The following TMEM41B variants were observed in gnomAD, a reference collection of about 807,000 sequenced individuals.
TMEM41B encodes protein stasimon.
Under a neutral mutation model 31.9 loss-of-function variants are expected in TMEM41B, and 18 were observed. The ratio of observed to expected loss-of-function variants is 0.56; its 90% CI spans 0.39 to 0.84. TMEM41B has a LOEUF of 0.84. Ranked by LOEUF, TMEM41B falls within the 40% of genes least tolerant of loss-of-function variation. The pLI, the probability that TMEM41B is intolerant of heterozygous loss-of-function variation, is 0.00. For missense variants in TMEM41B, 322 were observed against 348.0 expected, an observed-to-expected ratio of 0.93 and a Z score of 0.59; for synonymous variants, 144 against 124.3, an observed-to-expected ratio of 1.16 and a Z score of -1.05.
chr11:9,298,315 C>T (rs1252525116), intron 2 of TMEM41B, among the ~76,000 whole-genome samples: 5 of 150,938 alleles, frequency 3.3e-5, no homozygotes, highest in Non-Finnish European at 7.4e-5. Flanking sequence ...AAAAATTAGC[C>T]GGGTGTGGTG....
intron 1 of TMEM41B, chr11:9,311,215 G>T: frequency 1.4e-6 from 2 of 1,453,500 alleles, no homozygotes; most frequent in Non-Finnish European, 1.9e-6. Context: ...ATACAACATG[G>T]CATCTGAAGC....
chr11:9,294,160 G>T (rs982586162), intron 3 of TMEM41B, among the ~76,000 whole-genome samples: 2 of 127,246 alleles, frequency 1.6e-5, no homozygotes, highest in Non-Finnish European at 3.1e-5. Flanking sequence ...CAGCCTGGGT[G>T]ACAGGGGGAG....
At chr11:9,304,566 GGGA>G (rs1329075098) in intron 1 of TMEM41B, among the ~76,000 whole-genome samples, 1 of 151,920 alleles carries the variant, frequency 6.6e-6, no homozygotes, top group Non-Finnish European at 1.5e-5. Flanking sequence ...TTCAACTCCT[GGGA>G]GTTGAATGCC....
rs567096594 is a variant in TMEM41B at position 9,299,537 on chromosome 11, T to C, written c.239+47A>G. 4 of 1,316,740 alleles carry C rather than the reference T, an allele frequency of 3.0e-6. No homozygotes were observed. In the African/African-American group the frequency reaches 5.9e-5, roughly 19 times the overall value. The allele number at this position is 1,316,740 out of a possible 1,614,324, so 81.6% of individuals were successfully genotyped here. The stretch of plus-strand genomic sequence containing the variant: ...TGCACTTGGCCTTAATCCACTTTCA[T>C]CTTATAAATATCTATACATTTTCAG... On this transcript the variant is annotated intron_variant, in intron 2 of 6. Coordinates refer to ENST00000528080, the MANE Select transcript of TMEM41B (RefSeq NM_015012.4).
Position 9,314,571 on chromosome 11 carries a change from G to T in TMEM41B, c.-130C>A, listed in dbSNP as rs967820573. The stretch of plus-strand genomic sequence containing the variant: ...CCGGCGCGACCTCCTCACCCGAGAC[G>T]ACCTCAGCCCAGCGAGTACTGCAAC... On this transcript the variant is annotated 5_prime_UTR_variant, in exon 1 of 7. Transcript: ENST00000528080. 7.5e-7 allele frequency: 1 copy of T among 1,327,552 alleles called. No individual in the cohort carries two copies. The highest frequency in any genetic ancestry group is 2.7e-5 in the Admixed American group (1 of 37,260). The allele number at this position is 1,327,552 out of a possible 1,614,324, so 82.2% of individuals were successfully genotyped here.
At chr11:9,306,512 C>T (rs1490244275) in intron 1 of TMEM41B, among the ~76,000 whole-genome samples, 1 of 151,882 alleles carries the variant, frequency 6.6e-6, no homozygotes, top group Non-Finnish European at 1.5e-5. Flanking sequence ...GAAACCCCGT[C>T]TCTACTAAAA....
chr11:9,288,499 G>T lies in TMEM41B; in HGVS notation c.405C>A (p.Leu135=), dbSNP rs1564960285. The change falls in exon 4 of 7, where the codon CTC becomes CTA. Residue 135 remains leucine (L), a synonymous_variant. Transcript: ENST00000528080. ...GATAAAGAAACCCTGAGAGTATACT[G>T]AGAAATATAGAGCCTGGAATAGCAA... ...QTFAIPGSIF[L]SILSGFLYPF... 1 of 1,593,970 alleles carries T rather than the reference G, an allele frequency of 6.3e-7. No homozygotes were observed. The highest frequency in any genetic ancestry group is 2.3e-5 in the East Asian group (1 of 44,120).
At chr11:9,293,849 T>G (rs1325673130) in intron 3 of TMEM41B, among the ~76,000 whole-genome samples, 1 of 152,172 alleles carries the variant, frequency 6.6e-6, no homozygotes, top group Non-Finnish European at 1.5e-5. Context: ...CCCAAAGTGC[T>G]GGTGTTGCAG....
chr11:9,285,131 C>A (rs1043270769), intron 6 of TMEM41B, among the ~76,000 whole-genome samples: 59 of 142,912 alleles, frequency 4.1e-4, no homozygotes, highest in Admixed American at 8.9e-4. Context: ...GTCGCCCAGG[C>A]CGGAGTGCAG....
intron 2 of TMEM41B, among the ~76,000 whole-genome samples, chr11:9,298,496 G>A (rs1201564302): frequency 6.6e-6 from 1 of 150,930 alleles, no homozygotes; most frequent in East Asian, 1.9e-4. Context: ...TGGGCACAGT[G>A]GCTCACGCCT....
At chr11:9,310,304 G>A (rs1028254464) in intron 1 of TMEM41B, among the ~76,000 whole-genome samples, 1 of 151,818 alleles carries the variant, frequency 6.6e-6, no homozygotes, top group African/African-American at 2.4e-5. Context: ...AAAGTGCTGG[G>A]ATTACAGGCA....
Position 9,314,464 on chromosome 11 carries a change from C to A in TMEM41B, c.-23G>T. ...CATGGCTGCTGCAAGGTGAAGGGAG[C>A]GGTGCGGTGCCGCGCCCCCTAAACA... On this transcript the variant is annotated 5_prime_UTR_variant, in exon 1 of 7. Coordinates refer to ENST00000528080, the MANE Select transcript of TMEM41B (RefSeq NM_015012.4). 3 of 1,542,496 alleles carry A rather than the reference C, an allele frequency of 1.9e-6. No individual in the cohort carries two copies. Among genetic ancestry groups the A allele is most frequent in the East Asian group, 2.5e-5 (1 of 40,514 alleles).
At chr11:9,309,982 T>A (rs1213095950) in intron 1 of TMEM41B, among the ~76,000 whole-genome samples, 3 of 151,778 alleles carry the variant, frequency 2.0e-5, no homozygotes, top group African/African-American at 4.8e-5. Flanking sequence ...AAAATCAACT[T>A]TGAGACAGTG....
At chr11:9,307,144 G>A (rs1453278470) in intron 1 of TMEM41B, among the ~76,000 whole-genome samples, 2 of 151,886 alleles carry the variant, frequency 1.3e-5, no homozygotes, top group African/African-American at 4.8e-5. Context: ...CTTTTACAAA[G>A]CAAAATATTC....
chr11:9,299,464 C>T (rs1853192060), intron 2 of TMEM41B, 120 bp downstream of exon 2: 1 of 674,242 alleles, frequency 1.5e-6, no homozygotes, highest in African/African-American at 1.8e-5. Context: ...CTCAACCAAT[C>T]CACCCACCTC....
At position 9,314,533 on chromosome 11, in the gene TMEM41B, G is replaced by A; in HGVS notation, c.-92C>T. ...CTCCTTACTACGCCGAAGCGCCACG[G>A]CTAGAGCCACTTCCGGCGCGACCTC... On this transcript the variant is annotated 5_prime_UTR_variant, in exon 1 of 7. Transcript: ENST00000528080. 9 of 1,443,700 alleles carry A rather than the reference G, an allele frequency of 6.2e-6. No homozygotes were observed. The highest frequency in any genetic ancestry group is 8.2e-6 in the Non-Finnish European group (9 of 1,095,984). The allele number at this position is 1,443,700 out of a possible 1,614,324, so 89.4% of individuals were successfully genotyped here.
intron 3 of TMEM41B, among the ~76,000 whole-genome samples, chr11:9,292,642 G>T (rs767414402): frequency 1.3e-5 from 2 of 151,912 alleles, no homozygotes; most frequent in Non-Finnish European, 2.9e-5. Flanking sequence ...ACCAGCCTGG[G>T]CAACATGATG....
intron 1 of TMEM41B, among the ~76,000 whole-genome samples, chr11:9,303,806 T>C (rs1215641075): frequency 6.6e-6 from 1 of 151,954 alleles, no homozygotes; most frequent in Non-Finnish European, 1.5e-5. Context: ...TAGCTGGGAT[T>C]ACAGGCACAC....
intron 6 of TMEM41B, among the ~76,000 whole-genome samples, chr11:9,284,429 A>C (rs1214110271): frequency 6.6e-6 from 1 of 151,638 alleles, no homozygotes; most frequent in Non-Finnish European, 1.5e-5. Flanking sequence ...TGGGATTACA[A>C]GTGTGAGCCA....
Sources: gnomAD v4.1 joint callset for allele counts (sites outside exome capture counted in the v4.1 genomes callset) on GRCh38, gnomAD v4.1.1 for gene constraint, MANE v1.5 for transcripts, NCBI Gene and HGNC (gene_info 2026-07-23, HGNC 2026-07-21) for gene names.